The following DNAJC1 variants were observed in gnomAD, a reference collection of about 807,000 sequenced individuals.
The protein encoded by DNAJC1 is DnaJ heat shock protein family (Hsp40) member C1.
Under a neutral mutation model 76.6 loss-of-function variants are expected in DNAJC1, and 58 were observed. The observed-to-expected ratio is 0.76, with a 90% CI of 0.61 to 0.94. The LOEUF (loss-of-function observed/expected upper bound fraction) is 0.94, where lower values mean the gene tolerates loss of function less well. Among genes scored for constraint, DNAJC1 ranks in the 40% least tolerant of loss-of-function variants. DNAJC1 has a pLI of 0.00. For missense variants in DNAJC1, 689 were observed against 677.3 expected (o/e 1.02, Z -0.19); for synonymous variants, 258 against 267.9 (o/e 0.96, Z 0.36).
chr10:21,817,513 A>G (rs920242888), intron 8 of DNAJC1, among the ~76,000 whole-genome samples: 1 of 152,050 alleles, frequency 6.6e-6, no homozygotes, highest in Admixed American at 6.6e-5. Flanking sequence ...AAACAATAAC[A>G]CTATCATCAA....
intron 9 of DNAJC1, among the ~76,000 whole-genome samples, chr10:21,783,728 A>G (rs1453230274): frequency 6.6e-6 from 1 of 152,192 alleles, no homozygotes; most frequent in Non-Finnish European, 1.5e-5. Flanking sequence ...AACAGAACAG[A>G]GCCCTCAGAA....
intron 1 of DNAJC1, among the ~76,000 whole-genome samples, chr10:21,934,455 C>T (rs1420832241): frequency 6.6e-6 from 1 of 152,012 alleles, no homozygotes; most frequent in Admixed American, 6.5e-5. Flanking sequence ...CTATAGTGTA[C>T]AGAAATGTCC....
At position 21,759,557 on chromosome 10, in the gene DNAJC1, G is replaced by C. The variant is rs772899791; in HGVS notation, c.1209C>G (p.Ala403=). The change falls in exon 11 of 12, where the codon GCC becomes GCG. Residue 403 remains alanine (A), a synonymous_variant. Transcript: ENST00000376980. ...TVQNSRPIKT[A]TTLPDDMITQ... Reference sequence around the variant, plus strand: ...TGATCATGTCATCGGGCAAGGTGGTGGCCGTTTTGATGGGCCTGGAATTCT... The same window carrying C: ...TGATCATGTCATCGGGCAAGGTGGTCGCCGTTTTGATGGGCCTGGAATTCT... 6.2e-7 allele frequency: 1 copy of C among 1,614,006 alleles called. No homozygotes were observed. The highest frequency in any genetic ancestry group is 8.5e-7 in the Non-Finnish European group (1 of 1,180,032).
intron 1 of DNAJC1, among the ~76,000 whole-genome samples, chr10:21,945,205 T>G (rs995787560): frequency 3.3e-5 from 5 of 152,162 alleles, no homozygotes; most frequent in Non-Finnish European, 7.4e-5. Context: ...TCAGGTAAAA[T>G]GAATACTAAA....
At chr10:21,944,135 T>C (rs1276471382) in intron 1 of DNAJC1, among the ~76,000 whole-genome samples, 1 of 151,512 alleles carries the variant, frequency 6.6e-6, no homozygotes, top group Non-Finnish European at 1.5e-5. Flanking sequence ...GAAAAATAAA[T>C]GTTGAAACTA....
At chr10:21,783,413 A>C (rs557982612) in intron 9 of DNAJC1, among the ~76,000 whole-genome samples, 48 of 152,364 alleles carry the variant, frequency 3.2e-4, no homozygotes, top group African/African-American at 1.1e-3. Context: ...GACACAAACA[A>C]ATGAAAGAAC....
At chr10:21,975,798 T>G (rs1838051979) in intron 1 of DNAJC1, among the ~76,000 whole-genome samples, 1 of 152,216 alleles carries the variant, frequency 6.6e-6, no homozygotes, top group Non-Finnish European at 1.5e-5. Context: ...TCTCATCTGG[T>G]TTTAATTAAG....
intron 8 of DNAJC1, among the ~76,000 whole-genome samples, chr10:21,834,673 A>G (rs1835420046): frequency 6.6e-6 from 1 of 152,196 alleles, no homozygotes; most frequent in African/African-American, 2.4e-5. Flanking sequence ...AGGAGATTAT[A>G]TCCCGCACCT....
intron 7 of DNAJC1, among the ~76,000 whole-genome samples, chr10:21,895,008 T>G (rs1836517793): frequency 6.6e-6 from 1 of 152,156 alleles, no homozygotes; most frequent in African/African-American, 2.4e-5. Flanking sequence ...TTTCTGTTGA[T>G]CATAAATTAC....
At chr10:21,773,683 T>C (rs962068830) in intron 9 of DNAJC1, among the ~76,000 whole-genome samples, 3 of 152,244 alleles carry the variant, frequency 2.0e-5, no homozygotes, top group Non-Finnish European at 2.9e-5. Context: ...TGTCCATCTC[T>C]TCCTTCAATT....
chr10:21,803,987 A>G, intron 9 of DNAJC1: 1 of 985,060 alleles, frequency 1.0e-6, no homozygotes, highest in Non-Finnish European at 1.2e-6. Context: ...GGGTAAGTCT[A>G]GGGAGGAAAA....
chr10:21,881,844 T>TAAAAA (rs1002377641), intron 8 of DNAJC1, among the ~76,000 whole-genome samples: 11 of 55,410 alleles, frequency 2.0e-4, no homozygotes, highest in African/African-American at 7.3e-4. Context: ...CCTCAATTTG[T>TAAAAA]AAAAAAAAAA....
intron 3 of DNAJC1, among the ~76,000 whole-genome samples, chr10:21,927,065 C>T (rs12411731): frequency 6.6e-6 from 1 of 152,148 alleles, no homozygotes; most frequent in Non-Finnish European, 1.5e-5. Flanking sequence ...TGAAACAAAA[C>T]TAGGGCTCAC....
chr10:21,759,454 T>A lies in DNAJC1; in HGVS notation c.1312A>T (p.Thr438Ser). ...GDSGEQETGATDARPRRRKPA... is the reference protein window; with the variant it reads ...GDSGEQETGASDARPRRRKPA... Reference sequence around the variant, plus strand: ...TTCCGCCTCCGAGGCCGGGCATCAGTGGCCCCGGTCTCCTGCTCACCGGAG... The same window carrying A: ...TTCCGCCTCCGAGGCCGGGCATCAGAGGCCCCGGTCTCCTGCTCACCGGAG... The change falls in exon 11 of 12, where the codon ACT becomes TCT. Residue 438 changes from threonine (T) to serine (S), a missense_variant. Physicochemically the swap from Thr to Ser is moderately conservative, Grantham distance 58 (BLOSUM62 1). Transcript: ENST00000376980. 6.2e-7 allele frequency: 1 copy of A among 1,614,150 alleles called. No homozygotes were observed. The highest frequency in any genetic ancestry group is 8.5e-7 in the Non-Finnish European group (1 of 1,180,042).
chr10:21,904,771 G>A (rs779361897), intron 6 of DNAJC1, among the ~76,000 whole-genome samples, 159 bp from the exon 7 acceptor site: 3 of 152,004 alleles, frequency 2.0e-5, no homozygotes, highest in Non-Finnish European at 2.9e-5. Context: ...ATTTCTCTAT[G>A]ATTTTTCTCT....
intron 8 of DNAJC1, among the ~76,000 whole-genome samples, chr10:21,838,527 T>G (rs1835511858): frequency 6.6e-6 from 1 of 152,118 alleles, no homozygotes; most frequent in South Asian, 2.1e-4. Context: ...CCAGAGACCC[T>G]TGTTCACTTG....
At chr10:21,896,171 C>T (rs576999664) in intron 7 of DNAJC1, among the ~76,000 whole-genome samples, 14 of 152,136 alleles carry the variant, frequency 9.2e-5, no homozygotes, top group Non-Finnish European at 1.3e-4. Flanking sequence ...GAAGTGGGGC[C>T]ACCACTAAGA....
intron 8 of DNAJC1, among the ~76,000 whole-genome samples, chr10:21,833,989 G>T (rs917538384): frequency 6.6e-6 from 1 of 152,014 alleles, no homozygotes; most frequent in Non-Finnish European, 1.5e-5. Flanking sequence ...CCCAGGCCAG[G>T]TGCGGTGGCT....
Position 21,882,218 on chromosome 10 carries a change from C to T in DNAJC1, c.978+64G>A, listed in dbSNP as rs565227601. The T allele has an allele frequency of 3.5e-6, 5 of 1,432,548 alleles. No homozygotes were observed. In the South Asian group the frequency reaches 6.5e-5, roughly 19 times the overall value. The allele number at this position is 1,432,548 out of a possible 1,614,324, so 88.7% of individuals were successfully genotyped here. On this transcript the variant is annotated intron_variant, in intron 8 of 11. Transcript: ENST00000376980. ...ACAAAGCACTATATCGTGAGCTAACCCTGTATTTTATGTGCTTTTCTGTAC... is the reference window on the plus strand; with the variant it reads ...ACAAAGCACTATATCGTGAGCTAACTCTGTATTTTATGTGCTTTTCTGTAC...
Sources: allele counts gnomAD v4.1 joint callset (sites outside exome capture counted in the v4.1 genomes callset), GRCh38; gene constraint gnomAD v4.1.1; transcripts MANE v1.5; gene names NCBI Gene and HGNC (gene_info 2026-07-23, HGNC 2026-07-21).